Variants in XRN1 observed in about 807,000 individuals in gnomAD.
XRN1 encodes the protein strand-exchange protein 1 homolog.
Under a neutral mutation model 222.3 loss-of-function variants are expected in XRN1, and 67 were observed. That is an observed-to-expected ratio of 0.30 (90% CI 0.25 to 0.37). The LOEUF is 0.37. Among genes scored for constraint, XRN1 ranks in the 10% least tolerant of loss-of-function variants. XRN1 has a pLI of 1.00. For synonymous variants in XRN1, 643 were observed against 652.4 expected (o/e 0.99, Z 0.22); for missense variants, 1,707 against 2,000.2 (o/e 0.85, Z 2.80).
chr3:142,447,601 C>T lies in XRN1; in HGVS notation c.75+269G>A, dbSNP rs58913094. ...GTAAAAGCGTTCTTTCCCAGGACTT[C>T]ATTTCGGAGTCGCGGAAGGACCAGC... On this transcript the variant is annotated intron_variant, in intron 1 of 40. Coordinates refer to ENST00000392981, the MANE Select transcript of XRN1 (RefSeq NM_001282857.2). The surrounding 1 kb of genome is among the most constrained non-coding windows in gnomAD (Gnocchi z 4.2). Among the ~76,000 whole-genome samples, 1 of 152,202 alleles carries T rather than the reference C, an allele frequency of 6.6e-6. No homozygotes were observed. Among genetic ancestry groups the T allele is most frequent in the Admixed American group, 6.5e-5 (1 of 15,280 alleles).
chr3:142,340,751 C>T (rs144095521), intron 33 of XRN1, among the ~76,000 whole-genome samples: 293 of 152,082 alleles, frequency 1.9e-3, no homozygotes, highest in Non-Finnish European at 3.3e-3. Context: ...ATCTTACAGG[C>T]GAGAAGACAG....
At chr3:142,374,741 G>C (rs2067089418) in intron 25 of XRN1, among the ~76,000 whole-genome samples, 1 of 152,154 alleles carries the variant, frequency 6.6e-6, no homozygotes, top group Non-Finnish European at 1.5e-5. Context: ...AAATAAGAAA[G>C]TGAACAGAAG....
At chr3:142,379,098 TAA>T (rs372092982) in intron 23 of XRN1, among the ~76,000 whole-genome samples, 11 of 136,058 alleles carry the variant, frequency 8.1e-5, no homozygotes, top group Non-Finnish European at 9.6e-5. Flanking sequence ...CCATCTCTAC[TAA>T]AAAAAAAAAA....
chr3:142,328,100 C>T (rs1033685998), intron 37 of XRN1, among the ~76,000 whole-genome samples: 5 of 152,164 alleles, frequency 3.3e-5, no homozygotes, highest in African/African-American at 1.2e-4. Context: ...GATTCTACAT[C>T]TTGGCTATTG....
rs1177331474 is a variant in XRN1 at position 142,312,064 on chromosome 3, A to C, written c.4783-251T>G. Among the ~76,000 whole-genome samples, 5 of 152,214 alleles carry C rather than the reference A, an allele frequency of 3.3e-5. No homozygotes were observed. The East Asian group carries it at 9.7e-4, about 29-fold the overall frequency. Reference sequence around the variant, plus strand: ...CACTTTGGGAGGCCGAGGCAGGTGGATCGGTAGAGACCTAGGGTTCGAGAC... The same window carrying C: ...CACTTTGGGAGGCCGAGGCAGGTGGCTCGGTAGAGACCTAGGGTTCGAGAC... On this transcript the variant is annotated intron_variant, in intron 40 of 40. Coordinates refer to ENST00000392981, the MANE Select transcript of XRN1 (RefSeq NM_001282857.2).
intron 29 of XRN1, among the ~76,000 whole-genome samples, chr3:142,362,793 C>T (rs1240358268): frequency 7.5e-6 from 1 of 133,180 alleles, no homozygotes; most frequent in Non-Finnish European, 1.6e-5. Context: ...CTTTTTTTGA[C>T]AGGGTCTCAG....
chr3:142,370,731 G>T, intron 26 of XRN1, 111 bp from the exon 27 acceptor site: 1 of 869,444 alleles, frequency 1.2e-6, no homozygotes, highest in Non-Finnish European at 1.7e-6. Context: ...ACTTAATCGG[G>T]ACTAATTCTA....
At chr3:142,366,144 C>T (rs2066804407) in intron 27 of XRN1, among the ~76,000 whole-genome samples, 1 of 152,118 alleles carries the variant, frequency 6.6e-6, no homozygotes, top group South Asian at 2.1e-4. Context: ...ATTATCTGTT[C>T]TATCTAATAA....
intron 22 of XRN1, among the ~76,000 whole-genome samples, chr3:142,381,563 CTTTTTTTT>C (rs766961502): frequency 5.9e-5 from 5 of 84,218 alleles, no homozygotes; most frequent in Admixed American, 3.5e-4. Flanking sequence ...TAAGTTATTG[CTTTTTTTT>C]TTTTTTTTTT....
At chr3:142,404,249 T>C (rs1320038244) in intron 16 of XRN1, among the ~76,000 whole-genome samples, 2 of 152,130 alleles carry the variant, frequency 1.3e-5, no homozygotes, top group Non-Finnish European at 2.9e-5. Flanking sequence ...AATTTTAAGA[T>C]AAAATATGAC....
intron 33 of XRN1, among the ~76,000 whole-genome samples, chr3:142,338,979 T>C (rs1321823612): frequency 1.3e-5 from 2 of 152,204 alleles, no homozygotes; most frequent in Non-Finnish European, 2.9e-5. Flanking sequence ...GTCTCCTGGA[T>C]GGCATCTCAG....
At chr3:142,417,681 G>T (rs896322931) in intron 12 of XRN1, among the ~76,000 whole-genome samples, 2 of 152,182 alleles carry the variant, frequency 1.3e-5, no homozygotes, top group Admixed American at 6.5e-5. Flanking sequence ...TTTCAGAAGT[G>T]CTGTATGTGA....
chr3:142,337,712 G>C (rs1281672012), intron 33 of XRN1, among the ~76,000 whole-genome samples: 2 of 152,244 alleles, frequency 1.3e-5, no homozygotes, highest in African/African-American at 4.8e-5. Flanking sequence ...AGAAAAGCCT[G>C]TAATATAATT....
rs2067261529 is a variant in XRN1, at chr3:142,380,191, A to G, written c.2617-11T>C. On this transcript the variant is annotated splice_polypyrimidine_tract_variant and intron_variant, in intron 22 of 40. Coordinates refer to ENST00000392981, the MANE Select transcript of XRN1 (RefSeq NM_001282857.2). ...ACCTGAATCCTGAACCTTAGAAGAA[A>G]AAAAAATCACAGTATAGTCTCTTTC... 8.7e-6 allele frequency: 14 copies of G among 1,607,272 alleles called. No individual in the cohort carries two copies. Among genetic ancestry groups the G allele is most frequent in the Non-Finnish European group, 1.2e-5 (14 of 1,175,280 alleles).
At chr3:142,368,786 A>G (rs2066895984) in intron 27 of XRN1, among the ~76,000 whole-genome samples, 1 of 152,254 alleles carries the variant, frequency 6.6e-6, no homozygotes, top group Admixed American at 6.5e-5. Flanking sequence ...AGAGTCATCT[A>G]GTGGTGATTT....
intron 39 of XRN1, among the ~76,000 whole-genome samples, chr3:142,315,806 C>T (rs974853786): frequency 7.9e-5 from 12 of 152,100 alleles, no homozygotes; most frequent in African/African-American, 2.7e-4. Context: ...TGAGCCACTG[C>T]GCCCGGCCTA....
At chr3:142,349,673 T>C (rs901426984) in intron 32 of XRN1, among the ~76,000 whole-genome samples, 6 of 152,246 alleles carry the variant, frequency 3.9e-5, no homozygotes, top group South Asian at 2.1e-4. Context: ...TTTGTACACA[T>C]TGCCATGTTT....
chr3:142,373,309 A>G (rs1473065410), intron 25 of XRN1, among the ~76,000 whole-genome samples: 5 of 152,118 alleles, frequency 3.3e-5, no homozygotes, highest in Non-Finnish European at 5.9e-5. Flanking sequence ...GAACAGAAGT[A>G]TAACAATATA....
chr3:142,379,224 T>C (rs1460491100), intron 23 of XRN1, among the ~76,000 whole-genome samples: 1 of 152,120 alleles, frequency 6.6e-6, no homozygotes, highest in Non-Finnish European at 1.5e-5. Flanking sequence ...TGAGCCAAGA[T>C]CGTGCCACTG....
Sources: gnomAD v4.1 joint callset for allele counts (sites outside exome capture counted in the v4.1 genomes callset) on GRCh38, gnomAD v4.1.1 for gene constraint, Gnocchi (gnomAD v3.1) non-coding constraint, MANE v1.5 for transcripts, NCBI Gene and HGNC (gene_info 2026-07-23, HGNC 2026-07-21) for gene names.